The following WDFY4 variants were observed in gnomAD, a reference collection of about 807,000 sequenced individuals.
WDFY4 encodes the protein WDFY family member 4.
WDFY4 carries 169 observed loss-of-function variants against 351.9 expected under a neutral mutation model. The observed-to-expected ratio is 0.48, with a 90% confidence interval of 0.42 to 0.55. The LOEUF is 0.55. Ranked by LOEUF, WDFY4 falls within the 20% of genes least tolerant of loss-of-function variation. The pLI is 0.00. For missense variants in WDFY4, 3,803 were observed against 3,935.6 expected (o/e 0.97, Z 0.90); for synonymous variants, 1,622 against 1,574.6 (o/e 1.03, Z -0.71).
At chr10:48,904,905 A>T (rs1837538616) in intron 47 of WDFY4, among the ~76,000 whole-genome samples, 1 of 152,140 alleles carries the variant, frequency 6.6e-6, no homozygotes, top group African/African-American at 2.4e-5. Flanking sequence ...GTTATCCACA[A>T]GGGGGTGAGC....
At chr10:48,780,700 G>A (rs141221773) in intron 19 of WDFY4, among the ~76,000 whole-genome samples, 18 of 152,346 alleles carry the variant, frequency 1.2e-4, no homozygotes, top group African/African-American at 3.1e-4. Context: ...AAAAGGTGGA[G>A]CTGGCAGGCG....
At chr10:48,903,065 G>A (rs76141354) in intron 47 of WDFY4, among the ~76,000 whole-genome samples, 51 of 152,070 alleles carry the variant, frequency 3.4e-4, no homozygotes, top group Admixed American at 1.8e-3. Flanking sequence ...AGCTGAGATC[G>A]CGCCACTGCA....
chr10:48,843,700 C>T (rs1340439151), intron 39 of WDFY4, among the ~76,000 whole-genome samples: 1 of 152,186 alleles, frequency 6.6e-6, no homozygotes, highest in Non-Finnish European at 1.5e-5. Flanking sequence ...AGGATACTTA[C>T]ATGCAAGCAT....
intron 2 of WDFY4, among the ~76,000 whole-genome samples, chr10:48,712,972 G>A (rs1217145624): frequency 6.6e-6 from 1 of 152,174 alleles, no homozygotes; most frequent in East Asian, 1.9e-4. Context: ...ATGTGTGATG[G>A]AGCTCAACTC....
rs1841973601 is a variant in WDFY4, at chr10:48,964,042, G to A, written c.8424G>A (p.Gln2808=). The A allele has an allele frequency of 1.3e-6, 2 of 1,549,742 alleles. No homozygotes were observed. The highest frequency in any genetic ancestry group is 2.4e-5 in the South Asian group (2 of 83,986). ...TILGFVSNFG[Q]VPKQLFTKPH... Reference sequence around the variant, plus strand: ...TGGGGTTTGTCAGCAACTTTGGACAGGTGCCCAAACAGGTACAGCATGCCT... The same window carrying A: ...TGGGGTTTGTCAGCAACTTTGGACAAGTGCCCAAACAGGTACAGCATGCCT... Residue 2808 remains glutamine (Q), a synonymous_variant, in exon 54 of 62, where the codon CAG becomes CAA. Coordinates refer to ENST00000325239, the MANE Select transcript of WDFY4 (RefSeq NM_001394531.1).
chr10:48,885,698 A>G (rs538326495), intron 43 of WDFY4, among the ~76,000 whole-genome samples: 1 of 152,154 alleles, frequency 6.6e-6, no homozygotes, highest in African/African-American at 2.4e-5. Context: ...GTAAAATATA[A>G]AACAATAAGG....
chr10:48,710,471 G>A (rs186419706), intron 2 of WDFY4, among the ~76,000 whole-genome samples: 114 of 152,322 alleles, frequency 7.5e-4, no homozygotes, highest in Non-Finnish European at 1.2e-3. Flanking sequence ...TCATTTCTAG[G>A]GTAGGGAGGG....
chr10:48,974,519 A>AAAAAAAAAACAACAAC (rs1554824239), intron 57 of WDFY4, among the ~76,000 whole-genome samples: 3 of 49,970 alleles, frequency 6.0e-5, no homozygotes, highest in African/African-American at 2.1e-4. Flanking sequence ...AAAAAAAAAA[A>AAAAAAAAAACAACAAC]AAAAAAAAAA....
intron 53 of WDFY4, among the ~76,000 whole-genome samples, chr10:48,960,657 A>G (rs548963891): frequency 2.0e-4 from 31 of 152,324 alleles, no homozygotes; most frequent in Admixed American, 1.2e-3. Flanking sequence ...CAAAAACAAA[A>G]CTCAAATGTC....
At chr10:48,750,189 C>T (rs1188801249) in intron 12 of WDFY4, among the ~76,000 whole-genome samples, 1 of 152,208 alleles carries the variant, frequency 6.6e-6, no homozygotes, top group African/African-American at 2.4e-5. Flanking sequence ...AATTGTTGTG[C>T]CAGACCATTG....
chr10:48,944,259 C>T (rs890162569), intron 49 of WDFY4, among the ~76,000 whole-genome samples: 3 of 152,306 alleles, frequency 2.0e-5, no homozygotes, highest in Middle Eastern at 3.4e-3. Flanking sequence ...GGTGTCTGGG[C>T]CTCATCTGGG....
chr10:48,941,235 A>T (rs1025204905), intron 47 of WDFY4, among the ~76,000 whole-genome samples: 3 of 152,194 alleles, frequency 2.0e-5, no homozygotes, highest in Non-Finnish European at 4.4e-5. Context: ...TGGGTGGAGA[A>T]CCGGGTGTAC....
intron 39 of WDFY4, among the ~76,000 whole-genome samples, chr10:48,861,027 T>C (rs1312710662): frequency 6.6e-6 from 1 of 152,148 alleles, no homozygotes; most frequent in Non-Finnish European, 1.5e-5. Context: ...ACTTGAACAT[T>C]TTTTTGGAAT....
At chr10:48,936,792 C>G (rs1156996530) in intron 47 of WDFY4, among the ~76,000 whole-genome samples, 6 of 147,956 alleles carry the variant, frequency 4.1e-5, no homozygotes, top group South Asian at 2.2e-4. Flanking sequence ...GAGCCGAGAT[C>G]GCGCCACTGC....
chr10:48,851,277 T>A (rs1465250908), intron 39 of WDFY4, among the ~76,000 whole-genome samples: 1 of 152,202 alleles, frequency 6.6e-6, no homozygotes, highest in African/African-American at 2.4e-5. Context: ...CTGCATAGCA[T>A]TCTATCACAG....
At chr10:48,800,703 T>TTTCG (rs1491390976) in intron 24 of WDFY4, among the ~76,000 whole-genome samples, 1 of 139,694 alleles carries the variant, frequency 7.2e-6, no homozygotes, top group Non-Finnish European at 1.5e-5. Context: ...TCTTTCTTTC[T>TTTCG]TTCTTTCTTT....
chr10:48,870,308 G>A (rs1403675291), intron 40 of WDFY4, among the ~76,000 whole-genome samples: 1 of 152,222 alleles, frequency 6.6e-6, no homozygotes, highest in African/African-American at 2.4e-5. Flanking sequence ...AGGTTGGGCA[G>A]TAGGATTGTT....
chr10:48,739,796 T>C (rs573722356), intron 11 of WDFY4, among the ~76,000 whole-genome samples: 1 of 152,190 alleles, frequency 6.6e-6, no homozygotes, highest in Admixed American at 6.5e-5. Flanking sequence ...CTAGGAATTA[T>C]AGGTGACAAA....
At chr10:48,711,034 G>T (rs2063755930) in intron 2 of WDFY4, among the ~76,000 whole-genome samples, 1 of 152,234 alleles carries the variant, frequency 6.6e-6, no homozygotes, top group Non-Finnish European at 1.5e-5. Flanking sequence ...GAGAGAACAA[G>T]AGCTACTTTT....
Sources: gnomAD v4.1 joint callset for allele counts (sites outside exome capture counted in the v4.1 genomes callset) on GRCh38, gnomAD v4.1.1 for gene constraint, MANE v1.5 for transcripts, NCBI Gene and HGNC (gene_info 2026-07-23, HGNC 2026-07-21) for gene names.